Variants in ADAMTSL1 observed in about 807,000 individuals in gnomAD.
ADAMTSL1 encodes ADAMTS like 1, also known as ADAMTS-like protein 1.
ADAMTSL1 carries 126 observed loss-of-function variants against 201.8 expected under a neutral mutation model. The ratio of observed to expected loss-of-function variants is 0.62; its 90% CI spans 0.54 to 0.72. ADAMTSL1 has a LOEUF of 0.72. ADAMTSL1 is among the 30% of genes least tolerant of loss of function. The pLI, the probability that ADAMTSL1 is intolerant of heterozygous loss-of-function variation, is 0.00. For missense variants in ADAMTSL1, 2,679 were observed against 2,277.8 expected (o/e 1.18, Z -3.59); for synonymous variants, 1,121 against 903.4 (o/e 1.24, Z -4.32).
intron 3 of ADAMTSL1, among the ~76,000 whole-genome samples, chr9:18,568,143 A>G (rs956848842): frequency 1.1e-4 from 16 of 152,242 alleles, no homozygotes; most frequent in African/African-American, 4.8e-5. Context: ...ACTACTGTAT[A>G]TAAGTCTGAA....
At chr9:18,648,561 G>A (rs2132885745) in intron 7 of ADAMTSL1, among the ~76,000 whole-genome samples, 1 of 151,372 alleles carries the variant, frequency 6.6e-6, no homozygotes, top group South Asian at 2.1e-4. Context: ...CTTCCTTCAG[G>A]AGCTCTTTTA....
chr9:18,723,271 C>G, intron 15 of ADAMTSL1: 3 of 599,960 alleles, frequency 5.0e-6, no homozygotes, highest in East Asian at 5.6e-5. Context: ...GTGTGCTAAT[C>G]ATTCCTGTAA....
chr9:18,444,334 T>C (rs1426989862), intron 2 of ADAMTSL1, among the ~76,000 whole-genome samples: 1 of 152,166 alleles, frequency 6.6e-6, no homozygotes, highest in Non-Finnish European at 1.5e-5. Flanking sequence ...ATTCCTTTTA[T>C]GGATGAGGCC....
At chr9:18,127,338 A>T (rs1461729596) in intron 1 of ADAMTSL1, among the ~76,000 whole-genome samples, 1 of 152,108 alleles carries the variant, frequency 6.6e-6, no homozygotes, top group Non-Finnish European at 1.5e-5. Context: ...CCACTTTCTG[A>T]TGTAATGGTC....
In ADAMTSL1 at chr9:18,777,477, G is replaced by A. The variant is rs1409036505; in HGVS notation, c.3248G>A (p.Gly1083Glu). 1 of 1,594,062 alleles carries A rather than the reference G, an allele frequency of 6.3e-7. No homozygotes were observed. Among genetic ancestry groups the A allele is most frequent in the South Asian group, 1.1e-5 (1 of 88,008 alleles). ...CAGCGGCGCCTGGACGACATCCTGGGGAACCTCTCCCAGCAGCCCGAGGAG... is the reference window on the plus strand; with the variant it reads ...CAGCGGCGCCTGGACGACATCCTGGAGAACCTCTCCCAGCAGCCCGAGGAG... ...TEQRRLDDIL[G>E]NLSQQPEELR... is the part of the protein sequence containing the mutation. Residue 1083 changes from glycine to glutamate, a missense_variant, in exon 19 of 29, where the codon GGG (glycine) becomes GAG (glutamate). Transcript: ENST00000380548.
At chr9:18,075,067 T>G (rs568995103) in intron 1 of ADAMTSL1, among the ~76,000 whole-genome samples, 41 of 152,184 alleles carry the variant, frequency 2.7e-4, no homozygotes, top group African/African-American at 9.6e-4. Flanking sequence ...TCCTTCTCCT[T>G]TTCTCTCTCT....
chr9:18,279,533 A>G (rs1206761899), intron 2 of ADAMTSL1, among the ~76,000 whole-genome samples: 1 of 151,496 alleles, frequency 6.6e-6, no homozygotes, highest in African/African-American at 2.4e-5. Context: ...CACTTCTTCT[A>G]TTCTTTTCAG....
intron 1 of ADAMTSL1, among the ~76,000 whole-genome samples, chr9:18,490,346 G>C (rs1272533521): frequency 1.3e-5 from 2 of 152,060 alleles, no homozygotes; most frequent in Admixed American, 1.3e-4. Flanking sequence ...AGAGGGGGTA[G>C]GTGAAGGGGA....
At chr9:18,025,709 T>A (rs1415783573) in intron 1 of ADAMTSL1, among the ~76,000 whole-genome samples, 1 of 152,110 alleles carries the variant, frequency 6.6e-6, no homozygotes, top group Non-Finnish European at 1.5e-5. Flanking sequence ...TTGTTCTTTT[T>A]GCTTAGGATT....
intron 1 of ADAMTSL1, among the ~76,000 whole-genome samples, chr9:18,159,601 G>C (rs777184341): frequency 6.6e-6 from 1 of 151,982 alleles, no homozygotes; most frequent in African/African-American, 2.4e-5. Flanking sequence ...AGACAAACCG[G>C]TTGCTCTGTA....
In ADAMTSL1 at chr9:18,268,388, C is replaced by CA. The variant is rs1379069434; in HGVS notation, c.207+104411dup. ...TATTTGGTTTATCAGTTTTAAATTACAAAATCACAGCAGCTGCACAAAAAT... is the reference window on the plus strand; with the variant it reads ...TATTTGGTTTATCAGTTTTAAATTACAAAAATCACAGCAGCTGCACAAAAAT... On this transcript the variant is annotated intron_variant, in intron 2 of 29. Transcript: ENST00000680146. Among the ~76,000 whole-genome samples the CA allele has an allele frequency of 1.2e-4, 19 of 152,104 alleles. No homozygotes were observed. In the East Asian group the frequency reaches 3.7e-3, roughly 29 times the overall value.
intron 2 of ADAMTSL1, among the ~76,000 whole-genome samples, chr9:18,404,996 G>C (rs1466538859): frequency 6.6e-6 from 1 of 151,984 alleles, no homozygotes; most frequent in Non-Finnish European, 1.5e-5. Flanking sequence ...CAACTTTCTT[G>C]ACTAGACTTG....
intron 3 of ADAMTSL1, among the ~76,000 whole-genome samples, chr9:18,534,221 A>G (rs1409439787): frequency 1.3e-5 from 2 of 152,128 alleles, no homozygotes; most frequent in East Asian, 1.9e-4. Flanking sequence ...TTGCACTGGA[A>G]CAGGAAGTGG....
At chr9:18,608,142 G>T (rs1157696406) in intron 4 of ADAMTSL1, among the ~76,000 whole-genome samples, 1 of 152,188 alleles carries the variant, frequency 6.6e-6, no homozygotes, top group Admixed American at 6.5e-5. Flanking sequence ...AAGCAGTAAG[G>T]TTAGGGTACA....
intron 1 of ADAMTSL1, among the ~76,000 whole-genome samples, chr9:17,996,728 C>A (rs1390891670): frequency 1.3e-5 from 2 of 152,000 alleles, no homozygotes; most frequent in Non-Finnish European, 2.9e-5. Flanking sequence ...CTTTATCCTT[C>A]TTCTAGATCT....
In ADAMTSL1 at chr9:18,777,682, G is replaced by T. The variant is rs1420383656; in HGVS notation, c.3453G>T (p.Gly1151=). 6.2e-7 allele frequency: 1 copy of T among 1,613,288 alleles called. No homozygotes were observed. Among genetic ancestry groups the T allele is most frequent in the East Asian group, 2.2e-5 (1 of 44,878 alleles). The change falls in exon 19 of 29, where the codon GGG becomes GGT. Residue 1151 remains glycine (G), a synonymous_variant. Transcript: ENST00000380548. ...GCTCCCTGCGGACCTCCTCCACCGG[G>T]GACGCCGGGGGAGGCTCTCGAAGGC... is the stretch of plus-strand genomic sequence containing the variant. ...FSSSLRTSST[G]DAGGGSRRPH... is the part of the protein sequence containing the mutation.
At chr9:18,646,591 T>A (rs1436693079) in intron 7 of ADAMTSL1, among the ~76,000 whole-genome samples, 1 of 145,448 alleles carries the variant, frequency 6.9e-6, no homozygotes, top group Admixed American at 6.9e-5. Flanking sequence ...TGAGACTTTT[T>A]AGCATGAAGG....
upstream of ADAMTSL1, among the ~76,000 whole-genome samples, chr9:18,472,613 A>G (rs1821260538): frequency 6.6e-6 from 1 of 152,236 alleles, no homozygotes; most frequent in Non-Finnish European, 1.5e-5. Context: ...CCTTTTTGAA[A>G]AGCAACGCAG....
intron 2 of ADAMTSL1, among the ~76,000 whole-genome samples, chr9:18,192,368 A>C (rs138746192): frequency 6.6e-6 from 1 of 152,138 alleles, no homozygotes; most frequent in African/African-American, 2.4e-5. Flanking sequence ...CAAATCCCCT[A>C]AAGAAGTCAT....
Sources: gnomAD v4.1 joint callset for allele counts (sites outside exome capture counted in the v4.1 genomes callset) on GRCh38, gnomAD v4.1.1 for gene constraint, MANE v1.5 for transcripts, NCBI Gene and HGNC (gene_info 2026-07-23, HGNC 2026-07-21) for gene names.